MST1: variants seen among roughly 807,000 people sequenced by gnomAD.
MST1 encodes the protein macrophage stimulating 1.
In MST1, 76 loss-of-function variants were observed where a neutral mutation model predicts 100.1. The observed-to-expected ratio is 0.76, with a 90% CI of 0.63 to 0.92. MST1 has a LOEUF of 0.92. Ranked by LOEUF, MST1 falls within the 40% of genes least tolerant of loss-of-function variation. The probability of loss-of-function intolerance (pLI) is 0.00; values close to 1 mark genes in which losing one functional copy is unlikely to be tolerated. For synonymous variants in MST1, 352 were observed against 385.4 expected, an observed-to-expected ratio of 0.91 and a Z score of 1.01; for missense variants, 850 against 990.0, an observed-to-expected ratio of 0.86 and a Z score of 1.90.
rs570377647 is a variant in MST1 at position 49,685,524 on chromosome 3, C to G, written c.1388-18G>C. The G allele has an allele frequency of 6.2e-7, 1 of 1,613,426 alleles. No individual in the cohort carries two copies. Among genetic ancestry groups the G allele is most frequent in the African/African-American group, 1.3e-5 (1 of 75,028 alleles). On this transcript the variant is annotated intron_variant, in intron 11 of 17. Coordinates refer to ENST00000449682, the MANE Select transcript of MST1 (RefSeq NM_020998.4). ...GTCATCAGCTGAAAGACAAAGTTCA[C>G]TGGGGTTAAGGGAGCCAGCCTTTGG... is the stretch of plus-strand genomic sequence containing the variant.
In MST1 at chr3:49,685,341, G is replaced by GCCGATCCAC. The variant is rs2053622523; in HGVS notation, c.1456_1464dup (p.Val486_Arg488dup). 6.2e-7 allele frequency: 1 copy of GCCGATCCAC among 1,613,614 alleles called. No individual in the cohort carries two copies. The highest frequency in any genetic ancestry group is 8.5e-7 in the Non-Finnish European group (1 of 1,179,866). On this transcript the variant is annotated inframe_insertion, in exon 13 of 18. Coordinates refer to ENST00000449682, the MANE Select transcript of MST1 (RefSeq NM_020998.4). The stretch of plus-strand genomic sequence containing the variant: ...CGCAGCTTGGAACGCCGCTGATCCA[G>GCCGATCCAC]CCGATCCACCCTCTTGCCACACTTC...
At position 49,689,066 on chromosome 3, in the gene MST1, C is replaced by T. The variant is rs1231291199; in HGVS notation, c.-375G>A. On this transcript the variant is annotated 5_prime_UTR_variant, in exon 1 of 18. Coordinates refer to ENST00000449682, the MANE Select transcript of MST1 (RefSeq NM_020998.4). ...TTGCCCCAGCTTCAACACTGCCTCC[C>T]CTCCACCCTTTTGCTGCTGCCTTAT... 1.2e-5 allele frequency: 2 copies of T among 162,894 alleles called. No homozygotes were observed. The highest frequency in any genetic ancestry group is 2.7e-5 in the Non-Finnish European group (2 of 74,658). 10.1% of individuals were successfully genotyped at this position (162,894 alleles called of 1,614,324 possible). A position where few individuals can be genotyped will look rare whatever the true frequency, so the allele number is the denominator to read the frequency against.
intron 7 of MST1, 75 bp downstream of exon 7, chr3:49,686,609 C>G (rs2053780184): frequency 6.4e-7 from 1 of 1,551,068 alleles, no homozygotes; most frequent in Non-Finnish European, 8.7e-7. Flanking sequence ...CCCAGCCCCT[C>G]TTACCTCCCC....
Position 49,685,311 on chromosome 3 carries a change from C to A in MST1, c.1495G>T (p.Val499Phe). The A allele has an allele frequency of 6.2e-7, 1 of 1,613,438 alleles. No individual in the cohort carries two copies. The highest frequency in any genetic ancestry group is 8.5e-7 in the Non-Finnish European group (1 of 1,179,872). ...GGTGAGTTGCCCGGATGGCCCCCAA[C>A]CACGCGCAGCTTGGAACGCCGCTGA... ...LDQRRSKLRV[V>F]GGHPGNSPWT... The change falls in exon 13 of 18, where the codon GTT becomes TTT. Residue 499 changes from valine to phenylalanine, a missense_variant. By Grantham distance (50) the Val-to-Phe change is conservative (BLOSUM62 -1). Coordinates refer to ENST00000449682, the MANE Select transcript of MST1 (RefSeq NM_020998.4).
chr3:49,685,358 C>A lies in MST1; in HGVS notation c.1448G>T (p.Gly483Val). 4 of 1,613,696 alleles carry A rather than the reference C, an allele frequency of 2.5e-6. No individual in the cohort carries two copies. The highest frequency in any genetic ancestry group is 3.4e-6 in the Non-Finnish European group (4 of 1,179,868). The stretch of plus-strand genomic sequence containing the variant: ...CTGATCCAGCCGATCCACCCTCTTG[C>A]CACACTTCTCAAACTGCACCTGGTC... ...PPDQVQFEKC[G>V]KRVDRLDQRR... Residue 483 changes from glycine (G) to valine (V), a missense_variant, in exon 13 of 18, where the codon GGC becomes GTC. Transcript: ENST00000449682.
chr3:49,685,399 G>A lies in MST1; in HGVS notation c.1424-17C>T. The A allele has an allele frequency of 6.2e-7, 1 of 1,613,678 alleles. No individual in the cohort carries two copies. On this transcript the variant is annotated splice_polypyrimidine_tract_variant and intron_variant, in intron 12 of 17. Coordinates refer to ENST00000449682, the MANE Select transcript of MST1 (RefSeq NM_020998.4). ...GCACCTGGTCTGTAGGATGGGGTGG[G>A]CTGGATGAAACCCAGACTGTGTGGA...
At position 49,684,618 on chromosome 3, in the gene MST1, A is replaced by G; in HGVS notation, c.1808T>C (p.Leu603Pro). ...AGGCACCACATACCATTCAGGGGGC[A>G]GGCAGATCAGGGCCACACGCTGGTT... ...TLNQRVALIC[L>P]PPEWYVVPPG... Residue 603 changes from leucine (L) to proline (P), a missense_variant, in exon 16 of 18, where the codon CTG becomes CCG. Leu to Pro is a moderately conservative substitution (Grantham distance 98). This residue lies in a region of MST1 where 816 missense variants were observed against 924.6 expected (regional missense o/e 0.88). Coordinates refer to ENST00000449682, the MANE Select transcript of MST1 (RefSeq NM_020998.4). 1 of 1,613,788 alleles carries G rather than the reference A, an allele frequency of 6.2e-7. No individual in the cohort carries two copies. Among genetic ancestry groups the G allele is most frequent in the Non-Finnish European group, 8.5e-7 (1 of 1,179,862 alleles).
chr3:49,685,207 C>T (rs1383421908), intron 13 of MST1, 55 bp downstream of exon 13: 3 of 1,609,416 alleles, frequency 1.9e-6, no homozygotes, highest in Non-Finnish European at 1.7e-6. Flanking sequence ...GTGGGATAAC[C>T]ACAGAGGACA....
Position 49,687,294 on chromosome 3 carries a change from C to T in MST1, c.471-9G>A. ...GGAGAGTGGGCGTGTACCTGAGGGC[C>T]CAGAGCATCACTATAGTGTGTGCTG... On this transcript the variant is annotated splice_polypyrimidine_tract_variant and intron_variant, in intron 4 of 17. Coordinates refer to ENST00000449682, the MANE Select transcript of MST1 (RefSeq NM_020998.4). 6.2e-7 allele frequency: 1 copy of T among 1,613,508 alleles called. No homozygotes were observed. The highest frequency in any genetic ancestry group is 1.3e-5 in the African/African-American group (1 of 75,066).
chr3:49,685,646 T>A lies in MST1; in HGVS notation c.1337A>T (p.Tyr446Phe), dbSNP rs780922006. 6.2e-7 allele frequency: 1 copy of A among 1,613,434 alleles called. No individual in the cohort carries two copies. Among genetic ancestry groups the A allele is most frequent in the South Asian group, 1.1e-5 (1 of 91,074 alleles). ...GAATGGGGTCCTTGGGTCCATCGTGTAGCACCAGGGCCCATGGCTATCCCC... is the reference window on the plus strand; with the variant it reads ...GAATGGGGTCCTTGGGTCCATCGTGAAGCACCAGGGCCCATGGCTATCCCC... ...PDGDSHGPWC[Y>F]TMDPRTPFDY... Residue 446 changes from tyrosine to phenylalanine, a missense_variant, in exon 11 of 18, where the codon TAC (tyrosine) becomes TTC (phenylalanine). Coordinates refer to ENST00000449682, the MANE Select transcript of MST1 (RefSeq NM_020998.4).
rs754630317 is a variant in MST1, at chr3:49,684,156, G to C, written c.2050C>G (p.His684Asp). ...DYGGPLACFT[H>D]NCWVLEGIII... Reference sequence around the variant, plus strand: ...ATTCCTTCCAGGACCCAGCAGTTGTGGGTAAAGCAGGCAAGTGGGCCCCCG... The same window carrying C: ...ATTCCTTCCAGGACCCAGCAGTTGTCGGTAAAGCAGGCAAGTGGGCCCCCG... Residue 684 changes from histidine (H) to aspartate (D), a missense_variant, in exon 18 of 18, where the codon CAC (histidine) becomes GAC (aspartate). Physicochemically the swap from His to Asp is moderately conservative, Grantham distance 81. Coordinates refer to ENST00000449682, the MANE Select transcript of MST1 (RefSeq NM_020998.4). 1 of 1,613,254 alleles carries C rather than the reference G, an allele frequency of 6.2e-7. No homozygotes were observed. The highest frequency in any genetic ancestry group is 1.1e-5 in the South Asian group (1 of 91,062).
In MST1 at chr3:49,688,545, T is replaced by C. The variant is rs573662711; in HGVS notation, c.94+53A>G. 7 of 1,602,120 alleles carry C rather than the reference T, an allele frequency of 4.4e-6. No homozygotes were observed. The South Asian group carries it at 6.7e-5, about 15-fold the overall frequency. ...TTTTTCTCATCCTAGAATAGGAGAA[T>C]GGGGCCAACCCCCTCCTGAAGGCAG... On this transcript the variant is annotated intron_variant, in intron 1 of 17. Coordinates refer to ENST00000449682, the MANE Select transcript of MST1 (RefSeq NM_020998.4).
At chr3:49,687,512 G>A (rs2053877149) in intron 3 of MST1, 34 bp from the exon 4 acceptor site, 1 of 1,613,414 alleles carries the variant, frequency 6.2e-7, no homozygotes. Context: ...AACTTGGGCT[G>A]AGGTCCCCTG....
At position 49,683,997 on chromosome 3, in the gene MST1, C is replaced by T. The variant is rs2053474930; in HGVS notation, c.*31G>A. ...TTTATGTCTGACAAGAAGTTTTGTC[C>T]TCCCCAAGGCATATGGCATCAAGGC... On this transcript the variant is annotated 3_prime_UTR_variant, in exon 18 of 18. Coordinates refer to ENST00000449682, the MANE Select transcript of MST1 (RefSeq NM_020998.4). 5 of 1,600,768 alleles carry T rather than the reference C, an allele frequency of 3.1e-6. No homozygotes were observed. The highest frequency in any genetic ancestry group is 3.4e-6 in the Non-Finnish European group (4 of 1,173,920).
In MST1 at chr3:49,685,743, G is replaced by A. The variant is rs2053664740; in HGVS notation, c.1251-11C>T. 1 of 1,613,072 alleles carries A rather than the reference G, an allele frequency of 6.2e-7. No homozygotes were observed. The highest frequency in any genetic ancestry group is 1.3e-5 in the African/African-American group (1 of 74,912). On this transcript the variant is annotated splice_polypyrimidine_tract_variant and intron_variant, in intron 10 of 17. Transcript: ENST00000449682. ...GAGGTAAACGTGAACCTAGGCGGAAGCGGGAGCAAAATCGTGGCAGGGTAG... is the reference window on the plus strand; with the variant it reads ...GAGGTAAACGTGAACCTAGGCGGAAACGGGAGCAAAATCGTGGCAGGGTAG...
chr3:49,686,289 G>GCCCCCACCCCCCCCCCCC, intron 8 of MST1, 24 bp downstream of exon 8: 1 of 1,235,666 alleles, frequency 8.1e-7, no homozygotes, highest in South Asian at 1.4e-5. Flanking sequence ...ACGTCCCAAC[G>GCCCCCACCCCCCCCCCCC]CCCGCCCCCC....
Position 49,687,572 on chromosome 3 carries a change from G to T in MST1, c.339C>A (p.Asp113Glu), listed in dbSNP as rs1286709467. ...CCCACTTGCCTTTCTTCTGGAAGAG[G>T]TCACAGCGCCCAGAACGCCGCAGCC... ...HTRLRRSGRC[D>E]LFQKKDYVRT... Residue 113 changes from aspartate to glutamate, a missense_variant, in exon 3 of 18, where the codon GAC becomes GAA. Coordinates refer to ENST00000449682, the MANE Select transcript of MST1 (RefSeq NM_020998.4). 1.2e-6 allele frequency: 2 copies of T among 1,613,546 alleles called. No homozygotes were observed. The highest frequency in any genetic ancestry group is 3.3e-5 in the Admixed American group (2 of 60,024).
At chr3:49,687,511 T>C in intron 3 of MST1, 33 bp from the exon 4 acceptor site, 5 of 1,613,438 alleles carry the variant, frequency 3.1e-6, no homozygotes, top group Non-Finnish European at 3.4e-6. Flanking sequence ...CAACTTGGGC[T>C]GAGGTCCCCT....
Position 49,686,091 on chromosome 3 carries a change from CG to C in MST1, c.1117del (p.Arg373GlyfsTer153). Reference protein sequence around the residue: ...GMRAAFCYQIRRCTDDVRPQD... With the variant: ...GMRAAFCYQIXRCTDDVRPQD... ...GGGCCGCACGTCGTCTGTACAACGC[CG>C]GATCTGGTAGCAAAAGGCCGCGCGC... On this transcript the variant is annotated frameshift_variant, in exon 9 of 18. Transcript: ENST00000449682. LOFTEE classifies it high-confidence loss of function. 2 of 1,610,844 alleles carry C rather than the reference CG, an allele frequency of 1.2e-6. No homozygotes were observed. The highest frequency in any genetic ancestry group is 2.2e-5 in the East Asian group (1 of 44,818).
Sources: gnomAD v4.1 joint callset for allele counts on GRCh38, gnomAD v4.1.1 for gene constraint, gnomAD v4.1.1 regional missense constraint, MANE v1.5 for transcripts, NCBI Gene and HGNC (gene_info 2026-07-23, HGNC 2026-07-21) for gene names.